The following PPP2R2B variants were observed in gnomAD, a reference collection of about 807,000 sequenced individuals.
PPP2R2B encodes the protein serine/threonine-protein phosphatase 2A 55 kDa regulatory subunit B beta isoform.
PPP2R2B carries 5 observed loss-of-function variants against 46.0 expected under a neutral mutation model. The observed-to-expected ratio is 0.11, with a 90% confidence interval of 0.06 to 0.23. The LOEUF (loss-of-function observed/expected upper bound fraction) is 0.23, where lower values mean the gene tolerates loss of function less well. Among genes scored for constraint, PPP2R2B ranks in the 10% least tolerant of loss-of-function variants. The probability of loss-of-function intolerance (pLI) is 1.00; values close to 1 mark genes in which losing one functional copy is unlikely to be tolerated. For missense variants in PPP2R2B, 367 were observed against 575.0 expected (o/e 0.64, Z 3.70); for synonymous variants, 215 against 206.7 (o/e 1.04, Z -0.34).
upstream of PPP2R2B, among the ~76,000 whole-genome samples, chr5:146,880,968 G>GA (rs200902780): frequency 5.6e-3 from 842 of 151,586 alleles, 4 homozygotes; most frequent in African/African-American, 0.019. Flanking sequence ...AAACCAAGGG[G>GA]AAAAAAGCTG....
At chr5:146,826,776 C>T (rs1046672293) in intron 2 of PPP2R2B, among the ~76,000 whole-genome samples, 9 of 152,058 alleles carry the variant, frequency 5.9e-5, no homozygotes, top group African/African-American at 2.2e-4. Context: ...CCCCTCCCTC[C>T]AAGAACATTC....
chr5:146,660,343 G>T (rs1030003496), intron 5 of PPP2R2B, among the ~76,000 whole-genome samples: 1 of 151,974 alleles, frequency 6.6e-6, no homozygotes, highest in Non-Finnish European at 1.5e-5. Context: ...TTTTAAAAAC[G>T]TGAAAAGAAG....
intron 1 of PPP2R2B, among the ~76,000 whole-genome samples, chr5:147,041,532 A>C (rs1189877457): frequency 6.6e-6 from 1 of 151,974 alleles, no homozygotes; most frequent in African/African-American, 2.4e-5. Context: ...AGGAGGGAGG[A>C]GACTACGCAA....
At chr5:146,763,904 T>A (rs1754313845) in intron 2 of PPP2R2B, among the ~76,000 whole-genome samples, 2 of 152,234 alleles carry the variant, frequency 1.3e-5, no homozygotes, top group South Asian at 4.2e-4. Context: ...TATATTTTAT[T>A]TTTTGTAGAG....
In PPP2R2B at chr5:146,697,885, C is replaced by T. The variant is rs1045174018; in HGVS notation, c.334+94G>A. ...GTTATTTCTAAGTTTTTCAACAGCC[C>T]ACACAGTTCAAAGGAAATTGAGGTT... On this transcript the variant is annotated intron_variant, in intron 4 of 9. Coordinates refer to ENST00000394411, the MANE Select transcript of PPP2R2B (RefSeq NM_181675.4). 15 of 1,274,746 alleles carry T rather than the reference C, an allele frequency of 1.2e-5. No homozygotes were observed. In the African/African-American group the frequency reaches 1.9e-4, roughly 16 times the overall value. 79.0% of individuals were successfully genotyped at this position (1,274,746 alleles called of 1,614,324 possible). A position where few individuals can be genotyped will look rare whatever the true frequency, so the allele number is the denominator to read the frequency against.
At position 146,688,928 on chromosome 5, in the gene PPP2R2B, C is replaced by T. The variant is rs563034642; in HGVS notation, c.447+2200G>A. ...TCCAGTTGTTTTCTCCATAAGATTG[C>T]CATGTCTCGAGGGGCAAAAGACAGT... On this transcript the variant is annotated intron_variant, in intron 5 of 9. Transcript: ENST00000394411. Among the ~76,000 whole-genome samples, 3 of 152,194 alleles carry T rather than the reference C, an allele frequency of 2.0e-5. No homozygotes were observed. In the East Asian group the frequency reaches 5.8e-4, roughly 29 times the overall value.
At chr5:146,620,756 C>T (rs995273801) in intron 7 of PPP2R2B, among the ~76,000 whole-genome samples, 3 of 152,188 alleles carry the variant, frequency 2.0e-5, no homozygotes, top group African/African-American at 7.2e-5. Flanking sequence ...ATAGCATGCT[C>T]TCCCCTCCCT....
chr5:147,061,937 G>A (rs1757271245), intron 2 of PPP2R2B, among the ~76,000 whole-genome samples: 2 of 152,110 alleles, frequency 1.3e-5, no homozygotes, highest in East Asian at 3.9e-4. Context: ...GTCAGAGCAG[G>A]TAGGCAACAG....
intron 2 of PPP2R2B, among the ~76,000 whole-genome samples, chr5:146,728,451 T>C (rs1187317182): frequency 1.3e-5 from 2 of 152,206 alleles, no homozygotes; most frequent in African/African-American, 2.4e-5. Context: ...TTATGTTCTG[T>C]ACATGCTCAG....
intron 1 of PPP2R2B, among the ~76,000 whole-genome samples, chr5:146,891,588 A>C (rs180698049): frequency 3.9e-4 from 59 of 152,324 alleles, no homozygotes; most frequent in African/African-American, 1.3e-3. Flanking sequence ...TTCATTCAAC[A>C]TCAAATTTTT....
chr5:146,780,130 C>T (rs1363338275), intron 2 of PPP2R2B, among the ~76,000 whole-genome samples: 1 of 152,048 alleles, frequency 6.6e-6, no homozygotes, highest in Non-Finnish European at 1.5e-5. Flanking sequence ...TATTTTGGAC[C>T]TATTATGTGG....
At chr5:146,799,397 G>A (rs1047529747) in intron 2 of PPP2R2B, among the ~76,000 whole-genome samples, 1 of 152,188 alleles carries the variant, frequency 6.6e-6, no homozygotes, top group African/African-American at 2.4e-5. Context: ...AGTAAAAGAG[G>A]TGTGAAACCA....
At chr5:146,650,291 T>C (rs1038003166) in intron 6 of PPP2R2B, among the ~76,000 whole-genome samples, 3 of 152,200 alleles carry the variant, frequency 2.0e-5, no homozygotes, top group Admixed American at 6.5e-5. Context: ...TCGTGACATA[T>C]AAATGCCTCT....
intron 1 of PPP2R2B, among the ~76,000 whole-genome samples, chr5:146,905,693 T>C (rs1344132330): frequency 6.6e-6 from 1 of 152,310 alleles, no homozygotes; most frequent in East Asian, 1.9e-4. Context: ...TTAAATACCC[T>C]CTAAATAAAT....
At chr5:147,074,852 C>T (rs895497481) in intron 2 of PPP2R2B, among the ~76,000 whole-genome samples, 1 of 152,118 alleles carries the variant, frequency 6.6e-6, no homozygotes, top group Non-Finnish European at 1.5e-5. Flanking sequence ...CCTCATCCTT[C>T]CCTCTACATG....
At chr5:146,851,944 C>T (rs1270103641) in intron 2 of PPP2R2B, among the ~76,000 whole-genome samples, 1 of 151,970 alleles carries the variant, frequency 6.6e-6, no homozygotes, top group Admixed American at 6.6e-5. Context: ...TCATTAAAAT[C>T]CTTGAGGTCT....
intron 2 of PPP2R2B, among the ~76,000 whole-genome samples, chr5:146,758,604 A>C (rs1447727833): frequency 6.6e-6 from 1 of 152,176 alleles, no homozygotes; most frequent in Non-Finnish European, 1.5e-5. Context: ...ATGAGACGCC[A>C]CAAACTTTGT....
chr5:146,892,778 T>A (rs1013801595), intron 1 of PPP2R2B, among the ~76,000 whole-genome samples: 1 of 152,238 alleles, frequency 6.6e-6, no homozygotes, highest in South Asian at 2.1e-4. Flanking sequence ...AATGCACATG[T>A]AAAACTTCTG....
intron 7 of PPP2R2B, chr5:146,606,885 G>T (rs2151028424): frequency 6.6e-6 from 1 of 152,298 alleles, no homozygotes; most frequent in Non-Finnish European, 1.5e-5. Flanking sequence ...GGACATGAGG[G>T]TCCGCTCACG....
Sources: allele counts gnomAD v4.1 joint callset (sites outside exome capture counted in the v4.1 genomes callset), GRCh38; gene constraint gnomAD v4.1.1; transcripts MANE v1.5; gene names NCBI Gene and HGNC (gene_info 2026-07-23, HGNC 2026-07-21).